SERPINA4: variants seen among roughly 807,000 people sequenced by gnomAD.
SERPINA4 encodes kallistatin.
A neutral mutation model predicts 25.4 loss-of-function variants in SERPINA4; 24 were observed. The observed-to-expected ratio is 0.95, with a 90% CI of 0.69 to 1.33. The LOEUF is 1.33. Ranked by LOEUF, SERPINA4 falls within the 40% of genes most tolerant of loss-of-function variation. The probability of loss-of-function intolerance (pLI) is 0.00; values close to 1 mark genes in which losing one functional copy is unlikely to be tolerated. For missense variants in SERPINA4, 553 were observed against 535.8 expected (o/e 1.03, Z -0.32); for synonymous variants, 242 against 223.6 (o/e 1.08, Z -0.73).
intron 2 of SERPINA4, among the ~76,000 whole-genome samples, chr14:94,565,080 C>T (rs1902161004): frequency 1.3e-5 from 2 of 152,234 alleles, no homozygotes; most frequent in South Asian, 4.1e-4. Context: ...GAATTAGGCC[C>T]CACACAATTG....
Position 94,567,212 on chromosome 14 carries a change from C to A in SERPINA4, c.892C>A (p.Leu298Ile). The A allele has an allele frequency of 6.2e-7, 1 of 1,614,064 alleles. No individual in the cohort carries two copies. Among genetic ancestry groups the A allele is most frequent in the South Asian group, 1.1e-5 (1 of 91,064 alleles). Reference sequence around the variant, plus strand: ...TGAAGAGGTTCTGACTCCAGAGATGCTAATGAGGTGGAACAACTTGTTGCG... The same window carrying A: ...TGAAGAGGTTCTGACTCCAGAGATGATAATGAGGTGGAACAACTTGTTGCG... ...EIEEVLTPEMLMRWNNLLRKR... is the reference protein window; with the variant it reads ...EIEEVLTPEMIMRWNNLLRKR... Residue 298 changes from leucine to isoleucine, a missense_variant, in exon 3 of 5, where the codon CTA (leucine) becomes ATA (isoleucine). Physicochemically the swap from Leu to Ile is conservative, Grantham distance 5. Transcript: ENST00000557004.
At chr14:94,561,557 A>T in intron 1 of SERPINA4, 63 bp downstream of exon 1, 1 of 885,782 alleles carries the variant, frequency 1.1e-6, no homozygotes, top group Non-Finnish European at 1.5e-6. Context: ...CAACTGTTCC[A>T]CTTTGCCCAA....
chr14:94,568,197 A>G lies in SERPINA4; in HGVS notation c.992A>G (p.Gln331Arg). 2 of 1,614,258 alleles carry G rather than the reference A, an allele frequency of 1.2e-6. No homozygotes were observed. Among genetic ancestry groups the G allele is most frequent in the Non-Finnish European group, 1.7e-6 (2 of 1,180,038 alleles). Residue 331 changes from glutamine (Q) to arginine (R), a missense_variant, in exon 4 of 5, where the codon CAG (glutamine) becomes CGG (arginine). Physicochemically the swap from Gln to Arg is conservative, Grantham distance 43 (BLOSUM62 1). Transcript: ENST00000557004. ...ATTTCTGGCTCCTATGTATTAGATC[A>G]GATTTTGCCCAGGCTGGGCTTCACG... is the stretch of plus-strand genomic sequence containing the variant. ...FSISGSYVLD[Q>R]ILPRLGFTDL...
intron 2 of SERPINA4, among the ~76,000 whole-genome samples, chr14:94,566,013 G>A (rs905534108): frequency 6.6e-6 from 1 of 152,278 alleles, no homozygotes; most frequent in East Asian, 1.9e-4. Flanking sequence ...TGGCATGGAG[G>A]CCTTAGTCCA....
In SERPINA4 at chr14:94,564,588, G is replaced by A. The variant is rs76809720; in HGVS notation, c.649+457G>A. Reference sequence around the variant, plus strand: ...AAACTACAGCCCATGGGCCAAATGTGTTCAGCCACTGGTTTTGTAAATAAA... The same window carrying A: ...AAACTACAGCCCATGGGCCAAATGTATTCAGCCACTGGTTTTGTAAATAAA... On this transcript the variant is annotated intron_variant, in intron 2 of 4. Coordinates refer to ENST00000557004, the MANE Select transcript of SERPINA4 (RefSeq NM_006215.4). Among the ~76,000 whole-genome samples, 33 of 152,338 alleles carry A rather than the reference G, an allele frequency of 2.2e-4. No individual in the cohort carries two copies. The East Asian group carries it at 6.0e-3, about 28-fold the overall frequency.
chr14:94,562,185 GC>G (rs142402915), intron 1 of SERPINA4, among the ~76,000 whole-genome samples: 11,787 of 152,242 alleles, frequency 0.077, 557 homozygotes, highest in Non-Finnish European at 0.094. Context: ...GCCTCTTCAT[GC>G]ATGTCCGGTC....
chr14:94,564,430 C>T (rs115300977), intron 2 of SERPINA4, among the ~76,000 whole-genome samples: 1,818 of 152,286 alleles, frequency 0.012, 37 homozygotes, highest in African/African-American at 0.041. Flanking sequence ...TCAGCCTCTA[C>T]CAACAGTGCA....
intron 4 of SERPINA4, among the ~76,000 whole-genome samples, chr14:94,568,519 A>C (rs1902290964): frequency 6.6e-6 from 1 of 152,206 alleles, no homozygotes; most frequent in Non-Finnish European, 1.5e-5. Flanking sequence ...CAGTCTAGTC[A>C]GGGACACAGC....
At chr14:94,562,552 A>G (rs540961692) in intron 1 of SERPINA4, among the ~76,000 whole-genome samples, 1 of 152,248 alleles carries the variant, frequency 6.6e-6, no homozygotes, top group Admixed American at 6.5e-5. Context: ...GCAGTGAGCC[A>G]TGATTACACC....
intron 2 of SERPINA4, among the ~76,000 whole-genome samples, chr14:94,565,988 C>T (rs187102958): frequency 6.6e-6 from 1 of 152,338 alleles, no homozygotes; most frequent in Non-Finnish European, 1.5e-5. Flanking sequence ...TTGCTATTCC[C>T]TGGACTAAAA....
Position 94,564,157 on chromosome 14 carries a change from C to A in SERPINA4, c.649+26C>A, listed in dbSNP as rs13306798. On this transcript the variant is annotated intron_variant, in intron 2 of 4. Coordinates refer to ENST00000557004, the MANE Select transcript of SERPINA4 (RefSeq NM_006215.4). Reference sequence around the variant, plus strand: ...GTGAGAGTCAGATCATTGGTATATGCTAAATCCACACCACCGCCTCCAACC... The same window carrying A: ...GTGAGAGTCAGATCATTGGTATATGATAAATCCACACCACCGCCTCCAACC... 689 of 1,589,472 alleles carry A rather than the reference C, an allele frequency of 4.3e-4. 3 individuals carry two copies. In the East Asian group the frequency reaches 9.3e-3, roughly 21 times the overall value.
chr14:94,569,107 A>G lies in SERPINA4; in HGVS notation c.1084-288A>G, dbSNP rs534168670. On this transcript the variant is annotated intron_variant, in intron 4 of 4. Transcript: ENST00000557004. The stretch of plus-strand genomic sequence containing the variant: ...TATTTTCCTCACTTTTAAAATGGAC[A>G]TCATACTGCTGACCTCTTAGGATGG... Among the ~76,000 whole-genome samples, 10 of 152,280 alleles carry G rather than the reference A, an allele frequency of 6.6e-5. No individual in the cohort carries two copies. The East Asian group carries it at 1.4e-3, about 21-fold the overall frequency.
Position 94,568,190 on chromosome 14 carries a change from T to C in SERPINA4, c.985T>C (p.Leu329=), listed in dbSNP as rs5513. The change falls in exon 4 of 5, where the codon TTA becomes CTA. Residue 329 remains leucine (L), a synonymous_variant. Coordinates refer to ENST00000557004, the MANE Select transcript of SERPINA4 (RefSeq NM_006215.4). ...GTTCTCCATTTCTGGCTCCTATGTATTAGATCAGATTTTGCCCAGGCTGGG... is the reference window on the plus strand; with the variant it reads ...GTTCTCCATTTCTGGCTCCTATGTACTAGATCAGATTTTGCCCAGGCTGGG... ...PKFSISGSYV[L]DQILPRLGFT... is the part of the protein sequence containing the mutation. 298 of 1,614,258 alleles carry C rather than the reference T, an allele frequency of 1.8e-4. 1 individual carries two copies. In the African/African-American group the frequency reaches 3.1e-3, roughly 17 times the overall value.
chr14:94,566,106 C>T (rs747775298), intron 2 of SERPINA4, among the ~76,000 whole-genome samples: 13 of 152,140 alleles, frequency 8.5e-5, no homozygotes, highest in Non-Finnish European at 1.9e-4. Flanking sequence ...CCATGGCCAT[C>T]ATTGTGGTCA....
At chr14:94,563,333 C>A in intron 1 of SERPINA4, 133 bp from the exon 2 acceptor site, 1 of 873,864 alleles carries the variant, frequency 1.1e-6, no homozygotes, top group Non-Finnish European at 1.8e-6. Flanking sequence ...TGTTACATTG[C>A]CTTTCACAAG....
At chr14:94,563,147 T>G (rs1902077955) in intron 1 of SERPINA4, among the ~76,000 whole-genome samples, 1 of 151,996 alleles carries the variant, frequency 6.6e-6, no homozygotes, top group Non-Finnish European at 1.5e-5. Flanking sequence ...CTTGGGTGAG[T>G]CACTTTGGGA....
intron 1 of SERPINA4, among the ~76,000 whole-genome samples, chr14:94,562,149 G>A (rs1287440924): frequency 6.6e-6 from 1 of 152,196 alleles, no homozygotes; most frequent in Non-Finnish European, 1.5e-5. Flanking sequence ...GTGTCCGTAA[G>A]TGAAGTTTCA....
At chr14:94,567,312 A>T in intron 3 of SERPINA4, 69 bp downstream of exon 3, 3 of 1,512,188 alleles carry the variant, frequency 2.0e-6, no homozygotes, top group East Asian at 2.3e-5. Context: ...AATGAAAGAC[A>T]GTGCCCCAAA....
At position 94,563,453 on chromosome 14, in the gene SERPINA4, T is replaced by C. The variant is rs1226986795; in HGVS notation, c.-17-13T>C. On this transcript the variant is annotated splice_polypyrimidine_tract_variant and intron_variant, in intron 1 of 4. Coordinates refer to ENST00000557004, the MANE Select transcript of SERPINA4 (RefSeq NM_006215.4). ...CTGGGGGAATTTCCTGGGCATTCTC[T>C]TCCCTCCCATAGGCCTGAGAGTGCA... 6.3e-7 allele frequency: 1 copy of C among 1,584,398 alleles called. No homozygotes were observed.
Sources: gnomAD v4.1 joint callset for allele counts (sites outside exome capture counted in the v4.1 genomes callset) on GRCh38, gnomAD v4.1.1 for gene constraint, MANE v1.5 for transcripts, NCBI Gene and HGNC (gene_info 2026-07-23, HGNC 2026-07-21) for gene names.